The following SLC26A3 variants were observed in gnomAD, a reference collection of about 807,000 sequenced individuals.
SLC26A3 encodes solute carrier family 26 member 3.
In SLC26A3, 64 loss-of-function variants were observed where a neutral mutation model predicts 85.6. That is an observed-to-expected ratio of 0.75 (90% CI 0.61 to 0.92). The LOEUF is 0.92. Among genes scored for constraint, SLC26A3 ranks in the 40% least tolerant of loss-of-function variants. SLC26A3 has a pLI of 0.00. For missense variants in SLC26A3, 922 were observed against 927.3 expected (o/e 0.99, Z 0.07); for synonymous variants, 349 against 336.0 (o/e 1.04, Z -0.42).
At position 107,778,267 on chromosome 7, in the gene SLC26A3, C is replaced by A; in HGVS notation, c.1422G>T (p.Met474Ile). 6.2e-7 allele frequency: 1 copy of A among 1,608,572 alleles called. No individual in the cohort carries two copies. Among genetic ancestry groups the A allele is most frequent in the South Asian group, 1.1e-5 (1 of 90,904 alleles). The change falls in exon 13 of 21, where the codon ATG becomes ATT. Residue 474 changes from methionine (M) to isoleucine (I), a missense_variant. By Grantham distance (10) the Met-to-Ile change is conservative. Transcript: ENST00000340010. ...CCAGGACAATGGTGAAGATGAAGGT[C>A]ATGATCCAAATTAACTGTGAAAAGA... ...KDKYDCLIWI[M>I]TFIFTIVLGL... is the part of the protein sequence containing the mutation.
At chr7:107,783,148 T>A (rs1012668589) in intron 9 of SLC26A3, 55 bp from the exon 10 acceptor site, 2 of 1,610,310 alleles carry the variant, frequency 1.2e-6, no homozygotes, top group Admixed American at 1.7e-5. Flanking sequence ...TGATATTATG[T>A]GTGCAAAATA....
intron 1 of SLC26A3, among the ~76,000 whole-genome samples, chr7:107,797,441 C>T (rs1794526141): frequency 6.6e-6 from 1 of 152,106 alleles, no homozygotes; most frequent in African/African-American, 2.4e-5. Flanking sequence ...TTGCAGTGAG[C>T]TGAGATCATG....
intron 3 of SLC26A3, among the ~76,000 whole-genome samples, chr7:107,793,513 A>G (rs1243656211): frequency 1.3e-5 from 2 of 152,204 alleles, no homozygotes; most frequent in African/African-American, 4.8e-5. Flanking sequence ...GTATTGTATT[A>G]TTTCATTTGC....
At position 107,765,635 on chromosome 7, in the gene SLC26A3, C is replaced by T. The variant is rs1793899300; in HGVS notation, c.*220G>A. ...TATGTATGAACAAAATAATTTTCAC[C>T]CTTTGATAAAGCTACAAGATATAAA... is the stretch of plus-strand genomic sequence containing the variant. On this transcript the variant is annotated 3_prime_UTR_variant, in exon 21 of 21. Coordinates refer to ENST00000340010, the MANE Select transcript of SLC26A3 (RefSeq NM_000111.3). 2.0e-6 allele frequency: 1 copy of T among 492,344 alleles called. No individual in the cohort carries two copies. Among genetic ancestry groups the T allele is most frequent in the Non-Finnish European group, 3.6e-6 (1 of 277,078 alleles). 30.5% of individuals were successfully genotyped at this position (492,344 alleles called of 1,614,324 possible). A position where few individuals can be genotyped will look rare whatever the true frequency, so the allele number is the denominator to read the frequency against.
intron 17 of SLC26A3, among the ~76,000 whole-genome samples, chr7:107,772,485 T>C (rs758403924): frequency 6.6e-6 from 1 of 152,206 alleles, no homozygotes; most frequent in Non-Finnish European, 1.5e-5. Flanking sequence ...CTATGGACCA[T>C]GAGTTGCTAA....
intron 17 of SLC26A3, among the ~76,000 whole-genome samples, chr7:107,772,471 G>T (rs544284963): frequency 1.2e-4 from 18 of 152,248 alleles, no homozygotes; most frequent in African/African-American, 4.3e-4. Context: ...TTTTAAAAAA[G>T]AACCTATGGA....
Position 107,793,895 on chromosome 7 carries a change from A to C in SLC26A3, c.132-14T>G. 6.2e-7 allele frequency: 1 copy of C among 1,614,030 alleles called. No individual in the cohort carries two copies. Among genetic ancestry groups the C allele is most frequent in the Non-Finnish European group, 8.5e-7 (1 of 1,179,946 alleles). On this transcript the variant is annotated splice_polypyrimidine_tract_variant and intron_variant, in intron 2 of 20. Coordinates refer to ENST00000340010, the MANE Select transcript of SLC26A3 (RefSeq NM_000111.3). ...TGTGGGGAACAGCTGAAAACATGGA[A>C]AGCCACAGGTCAGTCAATTAATATC...
chr7:107,800,785 A>G (rs941169064), intron 1 of SLC26A3, among the ~76,000 whole-genome samples: 2 of 152,264 alleles, frequency 1.3e-5, no homozygotes, highest in South Asian at 4.1e-4. Context: ...AATTGGAAGA[A>G]GGGATGTAAA....
In SLC26A3 at chr7:107,782,669, C is replaced by T. The variant is rs1223285270; in HGVS notation, c.1311+128G>A. ...ATTTTTGGCTCATACAGAGTATTGG[C>T]TAAGAAGAGTACTTGAGAGTTTGTC... On this transcript the variant is annotated intron_variant, in intron 11 of 20. Coordinates refer to ENST00000340010, the MANE Select transcript of SLC26A3 (RefSeq NM_000111.3). The T allele has an allele frequency of 1.4e-5, 13 of 920,408 alleles. No homozygotes were observed. In the Admixed American group the frequency reaches 2.3e-4, roughly 16 times the overall value. 57.0% of individuals were successfully genotyped at this position (920,408 alleles called of 1,614,324 possible).
chr7:107,790,370 G>A (rs751010889), intron 5 of SLC26A3, among the ~76,000 whole-genome samples: 1 of 152,180 alleles, frequency 6.6e-6, no homozygotes, highest in Non-Finnish European at 1.5e-5. Flanking sequence ...GTTCAGAAAT[G>A]TATTAGAAAT....
At chr7:107,791,441 G>T (rs999033663) in intron 4 of SLC26A3, among the ~76,000 whole-genome samples, 2 of 151,968 alleles carry the variant, frequency 1.3e-5, no homozygotes, top group Admixed American at 6.6e-5. Flanking sequence ...GAGAAGCCTC[G>T]TCTCTACCAA....
chr7:107,791,219 C>T lies in SLC26A3; in HGVS notation c.399G>A (p.Leu133=). 6.2e-7 allele frequency: 1 copy of T among 1,614,220 alleles called. No individual in the cohort carries two copies. Among genetic ancestry groups the T allele is most frequent in the South Asian group, 1.1e-5 (1 of 91,084 alleles). Residue 133 remains leucine, a synonymous_variant, in exon 5 of 21, where the codon CTG becomes CTA. Coordinates refer to ENST00000340010, the MANE Select transcript of SLC26A3 (RefSeq NM_000111.3). ...AAACTGCTAGTCCCACCATCATACT[C>T]AGAATCGGAAACGGACCTAATTAAC... ...RHISVGPFPI[L]SMMVGLAVSG...
At chr7:107,765,939 C>T in intron 20 of SLC26A3, 61 bp from the exon 21 acceptor site, 1 of 1,418,340 alleles carries the variant, frequency 7.1e-7, no homozygotes. Flanking sequence ...ACAATAATCA[C>T]ATCTTAGGAG....
intron 9 of SLC26A3, 53 bp downstream of exon 9, chr7:107,783,152 C>T (rs1251413558): frequency 6.2e-7 from 1 of 1,613,608 alleles, no homozygotes; most frequent in Non-Finnish European, 8.5e-7. Flanking sequence ...ATTATGTGTG[C>T]AAAATATTAT....
At chr7:107,783,184 C>A (rs758678382) in intron 9 of SLC26A3, 21 bp downstream of exon 9, 3 of 1,614,018 alleles carry the variant, frequency 1.9e-6, no homozygotes, top group Non-Finnish European at 2.5e-6. Context: ...CAGTGAGACC[C>A]AGTGTAGTTT....
intron 11 of SLC26A3, among the ~76,000 whole-genome samples, chr7:107,780,481 T>C (rs1794199219): frequency 6.6e-6 from 1 of 152,166 alleles, no homozygotes; most frequent in Non-Finnish European, 1.5e-5. Context: ...CTAAGTATAT[T>C]CTCTTCATTC....
At chr7:107,786,092 T>A (rs949319926) in intron 8 of SLC26A3, among the ~76,000 whole-genome samples, 1 of 152,184 alleles carries the variant, frequency 6.6e-6, no homozygotes, top group African/African-American at 2.4e-5. Flanking sequence ...TCTGCCCTTG[T>A]TTTGAATCTG....
intron 8 of SLC26A3, among the ~76,000 whole-genome samples, chr7:107,786,353 G>A (rs1794294386): frequency 6.6e-6 from 1 of 151,984 alleles, no homozygotes; most frequent in African/African-American, 2.4e-5. Flanking sequence ...AAGAGATGGG[G>A]GTCTTGCTGT....
At chr7:107,795,423 T>A (rs17154444) in intron 1 of SLC26A3, among the ~76,000 whole-genome samples, 1 of 152,206 alleles carries the variant, frequency 6.6e-6, no homozygotes, top group Non-Finnish European at 1.5e-5. Flanking sequence ...GTTTCTATTA[T>A]GCTTAAAAGA....
Sources: allele counts gnomAD v4.1 joint callset (sites outside exome capture counted in the v4.1 genomes callset), GRCh38; gene constraint gnomAD v4.1.1; transcripts MANE v1.5; gene names NCBI Gene and HGNC (gene_info 2026-07-23, HGNC 2026-07-21).